STRAP: variants seen among roughly 807,000 people sequenced by gnomAD.
STRAP encodes the protein serine-threonine kinase receptor-associated protein.
A neutral mutation model predicts 47.0 loss-of-function variants in STRAP; 16 were observed. That is an observed-to-expected ratio of 0.34 (90% CI 0.23 to 0.52). The LOEUF (loss-of-function observed/expected upper bound fraction) is 0.52, where lower values mean the gene tolerates loss of function less well. Ranked by LOEUF, STRAP falls within the 20% of genes least tolerant of loss-of-function variation. The pLI is 0.96. For missense variants in STRAP, 293 were observed against 420.0 expected (o/e 0.70, Z 2.64); for synonymous variants, 130 against 142.7 (o/e 0.91, Z 0.63).
At chr12:15,895,561 A>C in intron 6 of STRAP, 65 bp downstream of exon 6, 1 of 1,540,000 alleles carries the variant, frequency 6.5e-7, no homozygotes, top group Non-Finnish European at 8.7e-7. Context: ...CTACTTAAAA[A>C]TGGGAAGGTA....
At chr12:15,891,388 T>C (rs1025885817) in intron 4 of STRAP, among the ~76,000 whole-genome samples, 5 of 152,232 alleles carry the variant, frequency 3.3e-5, no homozygotes, top group African/African-American at 1.2e-4. Context: ...CGAAAGAATT[T>C]TAAAAAATCT....
Position 15,882,833 on chromosome 12 carries a change from C to T in STRAP, c.112+14C>T. 1 of 1,606,076 alleles carries T rather than the reference C, an allele frequency of 6.2e-7. No individual in the cohort carries two copies. The highest frequency in any genetic ancestry group is 2.2e-5 in the East Asian group (1 of 44,764). On this transcript the variant is annotated intron_variant, in intron 1 of 9. Coordinates refer to ENST00000419869, the MANE Select transcript of STRAP (RefSeq NM_007178.4). ...GCGCTTGCAAAGGTGAGCAAGGCCG[C>T]AATCCTGGTCCTCGACGGCTGGGAC...
chr12:15,888,330 G>A lies in STRAP; in HGVS notation c.249-1598G>A, dbSNP rs111561471. 1.8e-3 allele frequency among the ~76,000 whole-genome samples: 274 copies of A among 152,226 alleles called. 1 individual carries two copies. The highest frequency in any genetic ancestry group is 6.2e-3 in the African/African-American group (258 of 41,542). On this transcript the variant is annotated intron_variant, in intron 2 of 9. Coordinates refer to ENST00000419869, the MANE Select transcript of STRAP (RefSeq NM_007178.4). ...ATAATCTAGTGTTGCTAGATTCAGA[G>A]AAACAATACAAAATGAGGTTGGGAA... is the stretch of plus-strand genomic sequence containing the variant.
intron 2 of STRAP, among the ~76,000 whole-genome samples, chr12:15,888,630 C>G (rs1947990336): frequency 6.6e-6 from 1 of 152,088 alleles, no homozygotes; most frequent in African/African-American, 2.4e-5. Context: ...GCCTTCCCTT[C>G]TTTTTCCCCT....
At position 15,896,777 on chromosome 12, in the gene STRAP, A is replaced by G. The variant is rs1325412271; in HGVS notation, c.639-1105A>G. ...ATCCTGTAAGTAGAATTATCAGTTC[A>G]AAGGCTAGAAATGAGTTTAAAGTTC... is the stretch of plus-strand genomic sequence containing the variant. On this transcript the variant is annotated intron_variant, in intron 6 of 9. Coordinates refer to ENST00000419869, the MANE Select transcript of STRAP (RefSeq NM_007178.4). The surrounding 1 kb of genome is among the most constrained non-coding windows in gnomAD (Gnocchi z 4.1). Among the ~76,000 whole-genome samples, 1 of 152,228 alleles carries G rather than the reference A, an allele frequency of 6.6e-6. No homozygotes were observed. Among genetic ancestry groups the G allele is most frequent in the African/African-American group, 2.4e-5 (1 of 41,460 alleles).
intron 4 of STRAP, 108 bp from the exon 5 acceptor site, chr12:15,893,939 G>T: frequency 1.2e-6 from 1 of 848,618 alleles, no homozygotes; most frequent in Non-Finnish European, 1.9e-6. Context: ...TTGAAAAGTT[G>T]CAGTCTAATT....
chr12:15,891,078 C>A (rs939171245), intron 4 of STRAP, among the ~76,000 whole-genome samples: 1 of 151,724 alleles, frequency 6.6e-6, no homozygotes, highest in Non-Finnish European at 1.5e-5. Context: ...AAAAAATAGT[C>A]AACAAAGAAG....
rs1018564476 is a variant in STRAP at position 15,884,083 on chromosome 12, C to T, written c.248+407C>T. ...TAGGCATCATTAAAACTCATTGTGT[C>T]AAAAACAAACAAACAAAAAAACAAC... On this transcript the variant is annotated intron_variant, in intron 2 of 9. Coordinates refer to ENST00000419869, the MANE Select transcript of STRAP (RefSeq NM_007178.4). Among the ~76,000 whole-genome samples the T allele has an allele frequency of 1.3e-5, 2 of 152,000 alleles. 1 individual carries two copies. The highest frequency in any genetic ancestry group is 4.1e-4 in the South Asian group (2 of 4,830).
At chr12:15,883,163 C>CAATACCTTTGTA in intron 1 of STRAP, 1 of 1,528,434 alleles carries the variant, frequency 6.5e-7, no homozygotes, top group Non-Finnish European at 8.8e-7. Flanking sequence ...GAAATTAGGC[C>CAATACCTTTGTA]AGGCCGTGCA....
Position 15,882,470 on chromosome 12 carries a change from C to T in STRAP, c.-238C>T, listed in dbSNP as rs1018683905. 1 of 507,594 alleles carries T rather than the reference C, an allele frequency of 2.0e-6. No individual in the cohort carries two copies. The highest frequency in any genetic ancestry group is 3.5e-6 in the Non-Finnish European group (1 of 282,416). 31.4% of individuals were successfully genotyped at this position (507,594 alleles called of 1,614,324 possible). ...TCCGCTTCTCCCCATCCCCTACTTT[C>T]CTCCCTCCCTCCCTTTCCCTCCCTC... On this transcript the variant is annotated 5_prime_UTR_variant, in exon 1 of 10. Transcript: ENST00000419869.
chr12:15,890,026 T>C lies in STRAP; in HGVS notation c.330+17T>C, dbSNP rs1383780319. 1 of 1,612,134 alleles carries C rather than the reference T, an allele frequency of 6.2e-7. No homozygotes were observed. The highest frequency in any genetic ancestry group is 8.5e-7 in the Non-Finnish European group (1 of 1,178,352). ...TTCACGCAGGTATCAGAAAATGGAA[T>C]TTATTTTAGCGAGTTAAGTTGCTGG... On this transcript the variant is annotated intron_variant, in intron 3 of 9. Coordinates refer to ENST00000419869, the MANE Select transcript of STRAP (RefSeq NM_007178.4). The surrounding 1 kb of genome is among the most constrained non-coding windows in gnomAD (Gnocchi z 4.5).
chr12:15,894,207 C>T lies in STRAP; in HGVS notation c.500+64C>T. The T allele has an allele frequency of 7.3e-7, 1 of 1,373,956 alleles. No individual in the cohort carries two copies. Among genetic ancestry groups the T allele is most frequent in the South Asian group, 1.2e-5 (1 of 85,134 alleles). 85.1% of individuals were successfully genotyped at this position (1,373,956 alleles called of 1,614,324 possible). On this transcript the variant is annotated intron_variant, in intron 5 of 9. Coordinates refer to ENST00000419869, the MANE Select transcript of STRAP (RefSeq NM_007178.4). This position sits in a 1 kb window ranked among gnomAD's most constrained non-coding sequence, Gnocchi z 4.9. ...GGGCATGGTGGCTCACGCCTATAAT[C>T]TCAGCACTTTGGGAGGCGAGCCGGG...
intron 2 of STRAP, among the ~76,000 whole-genome samples, chr12:15,883,910 T>C (rs947517057): frequency 6.6e-6 from 1 of 152,224 alleles, no homozygotes; most frequent in Non-Finnish European, 1.5e-5. Context: ...TATATTTTGA[T>C]TGAGACTCAG....
At chr12:15,901,110 A>G (rs776589352) in intron 9 of STRAP, 98 bp downstream of exon 9, 4 of 831,088 alleles carry the variant, frequency 4.8e-6, no homozygotes, top group Non-Finnish European at 7.0e-6. Context: ...TTTATTAAAT[A>G]TGAACATATT....
At position 15,883,257 on chromosome 12, in the gene STRAP, T is replaced by G. The variant is rs1454224028; in HGVS notation, c.113-284T>G. On this transcript the variant is annotated intron_variant, in intron 1 of 9. Coordinates refer to ENST00000419869, the MANE Select transcript of STRAP (RefSeq NM_007178.4). Reference sequence around the variant, plus strand: ...CATTTTTCAAATGGGAAACTGAGATTCAGGCTAAGATGTCTGTCCAAAATA... The same window carrying G: ...CATTTTTCAAATGGGAAACTGAGATGCAGGCTAAGATGTCTGTCCAAAATA... 5 of 1,060,864 alleles carry G rather than the reference T, an allele frequency of 4.7e-6. No homozygotes were observed. In the African/African-American group the frequency reaches 7.9e-5, roughly 17 times the overall value. The allele number at this position is 1,060,864 out of a possible 1,614,324, so 65.7% of individuals were successfully genotyped here.
At chr12:15,901,574 T>C (rs560442929) in intron 9 of STRAP, among the ~76,000 whole-genome samples, 1 of 152,242 alleles carries the variant, frequency 6.6e-6, no homozygotes, top group East Asian at 1.9e-4. Flanking sequence ...TTTGCTGTAT[T>C]AGGACTTGGA....
chr12:15,892,464 T>G (rs945364064), intron 4 of STRAP, among the ~76,000 whole-genome samples: 3 of 152,158 alleles, frequency 2.0e-5, no homozygotes, highest in Admixed American at 6.5e-5. Context: ...AACATAATTT[T>G]GTTTTATTAT....
chr12:15,883,742 C>T (rs1465079874), intron 2 of STRAP, 66 bp downstream of exon 2: 1 of 1,577,960 alleles, frequency 6.3e-7, no homozygotes, highest in East Asian at 2.3e-5. Flanking sequence ...TAATCAAAAA[C>T]TTCAGTGTCA....
chr12:15,892,852 T>G (rs1170406422), intron 4 of STRAP, among the ~76,000 whole-genome samples: 1 of 152,120 alleles, frequency 6.6e-6, no homozygotes, highest in Non-Finnish European at 1.5e-5. Flanking sequence ...AGCAAGGTAG[T>G]TCAGGGATTG....
Sources: gnomAD v4.1 joint callset for allele counts (sites outside exome capture counted in the v4.1 genomes callset) on GRCh38, gnomAD v4.1.1 for gene constraint, Gnocchi (gnomAD v3.1) non-coding constraint, MANE v1.5 for transcripts, NCBI Gene and HGNC (gene_info 2026-07-23, HGNC 2026-07-21) for gene names.